The following POLR2B variants were observed in gnomAD, a reference collection of about 807,000 sequenced individuals.
POLR2B encodes RNA polymerase II subunit B.
In POLR2B, 57 loss-of-function variants were observed where a neutral mutation model predicts 144.6. The observed-to-expected ratio is 0.39, with a 90% CI of 0.32 to 0.49. POLR2B has a LOEUF of 0.49. POLR2B is among the 20% of genes least tolerant of loss of function. The probability of loss-of-function intolerance (pLI) is 0.83; values close to 1 mark genes in which losing one functional copy is unlikely to be tolerated. For synonymous variants in POLR2B, 442 were observed against 469.8 expected (o/e 0.94, Z 0.77); for missense variants, 595 against 1,467.4 (o/e 0.41, Z 9.71).
rs1468573771 is a variant in POLR2B at position 57,017,917 on chromosome 4, C to G, written c.2323+189C>G. ...AGTGTTTTGGTGGAGGTACAAAGTC[C>G]TTTGGAAGCACAGACTGATGGAAGC... On this transcript the variant is annotated intron_variant, in intron 16 of 24. Coordinates refer to ENST00000314595, the MANE Select transcript of POLR2B (RefSeq NM_000938.3). This position sits in a 1 kb window ranked among gnomAD's most constrained non-coding sequence, Gnocchi z 4.8. 1.3e-5 allele frequency among the ~76,000 whole-genome samples: 2 copies of G among 152,122 alleles called. No individual in the cohort carries two copies. The highest frequency in any genetic ancestry group is 2.9e-5 in the Non-Finnish European group (2 of 68,020).
intron 2 of POLR2B, among the ~76,000 whole-genome samples, chr4:56,990,104 C>A (rs137908975): frequency 2.0e-5 from 3 of 152,122 alleles, no homozygotes; most frequent in Non-Finnish European, 2.9e-5. Flanking sequence ...ATATCACTAC[C>A]CTCCGTCCTA....
chr4:56,992,197 T>G (rs1722528673), intron 3 of POLR2B, among the ~76,000 whole-genome samples: 2 of 152,012 alleles, frequency 1.3e-5, no homozygotes, highest in South Asian at 2.1e-4. Flanking sequence ...GTGCGATGGC[T>G]CATGCCTATA....
chr4:57,026,057 C>G lies in POLR2B; in HGVS notation c.3239+520C>G, dbSNP rs540583271. Among the ~76,000 whole-genome samples the G allele has an allele frequency of 5.3e-5, 8 of 152,028 alleles. 1 individual carries two copies. In the East Asian group the frequency reaches 1.6e-3, roughly 29 times the overall value. On this transcript the variant is annotated intron_variant, in intron 23 of 24. Coordinates refer to ENST00000314595, the MANE Select transcript of POLR2B (RefSeq NM_000938.3). Reference sequence around the variant, plus strand: ...TCCAAGACCAGCCTGGTCAACATGGCAAAACACCGTCTCTACTAAAAATAC... The same window carrying G: ...TCCAAGACCAGCCTGGTCAACATGGGAAAACACCGTCTCTACTAAAAATAC...
chr4:56,984,168 A>G (rs1413982042), intron 1 of POLR2B, among the ~76,000 whole-genome samples: 1 of 152,086 alleles, frequency 6.6e-6, no homozygotes, highest in Non-Finnish European at 1.5e-5. Context: ...CCCAGCCTGA[A>G]AAAAAATCTG....
intron 2 of POLR2B, among the ~76,000 whole-genome samples, chr4:56,989,205 A>G (rs190475384): frequency 2.0e-5 from 3 of 152,342 alleles, no homozygotes; most frequent in East Asian, 1.9e-4. Flanking sequence ...TAAAGTAGCT[A>G]TAGTTCAGCT....
chr4:57,000,731 C>T (rs901787141), intron 7 of POLR2B, among the ~76,000 whole-genome samples: 2 of 152,068 alleles, frequency 1.3e-5, no homozygotes, highest in Admixed American at 6.6e-5. Context: ...AGTCTCACTC[C>T]GTTGCCTAGG....
intron 6 of POLR2B, among the ~76,000 whole-genome samples, chr4:56,999,318 T>C (rs1257553511): frequency 6.6e-6 from 1 of 151,922 alleles, no homozygotes; most frequent in African/African-American, 2.4e-5. Context: ...TCATATTTTT[T>C]TGCAGCCAAA....
chr4:57,027,030 A>G (rs1347212202), intron 23 of POLR2B, among the ~76,000 whole-genome samples: 1 of 151,666 alleles, frequency 6.6e-6, no homozygotes, highest in Non-Finnish European at 1.5e-5. Context: ...TTTTTTTGTG[A>G]GACAGTCTCA....
At chr4:57,015,420 G>C (rs1003119074) in intron 13 of POLR2B, 82 bp from the exon 14 acceptor site, 11 of 688,514 alleles carry the variant, frequency 1.6e-5, no homozygotes, top group African/African-American at 1.5e-4. Flanking sequence ...AATTTAGTAG[G>C]ATTTGTATTG....
intron 1 of POLR2B, among the ~76,000 whole-genome samples, chr4:56,982,193 A>C (rs1231162656): frequency 6.6e-6 from 1 of 151,474 alleles, no homozygotes; most frequent in African/African-American, 2.4e-5. Flanking sequence ...AACCTTGTCA[A>C]CTGCCCAAAC....
intron 6 of POLR2B, 49 bp from the exon 7 acceptor site, chr4:56,999,568 G>A: frequency 8.1e-7 from 1 of 1,235,530 alleles, no homozygotes; most frequent in Non-Finnish European, 1.2e-6. Flanking sequence ...TTTTTATATT[G>A]CTGTGAGCTT....
In POLR2B at chr4:57,005,582, C is replaced by CTTTTTTTTT; in HGVS notation, c.1098-13_1098-5dup. ...AAGTGTTTTCCCTCTTTCTTTCTTT[C>CTTTTTTTTT]TTTTTTTTTTTTTAAAGATACATGG... is the stretch of plus-strand genomic sequence containing the variant. On this transcript the variant is annotated splice_polypyrimidine_tract_variant and intron_variant, in intron 8 of 24. Coordinates refer to ENST00000314595, the MANE Select transcript of POLR2B (RefSeq NM_000938.3). 7.5e-7 allele frequency: 1 copy of CTTTTTTTTT among 1,335,096 alleles called. No homozygotes were observed. The highest frequency in any genetic ancestry group is 1.4e-5 in the South Asian group (1 of 71,434). The allele number at this position is 1,335,096 out of a possible 1,614,324, so 82.7% of individuals were successfully genotyped here.
At chr4:57,009,201 A>G (rs1436338453) in intron 10 of POLR2B, among the ~76,000 whole-genome samples, 3 of 152,216 alleles carry the variant, frequency 2.0e-5, no homozygotes, top group Non-Finnish European at 4.4e-5. Flanking sequence ...TGAGTACAGA[A>G]AAGAGAATAG....
chr4:56,998,509 C>T (rs1050482342), intron 6 of POLR2B, among the ~76,000 whole-genome samples: 26 of 151,508 alleles, frequency 1.7e-4, no homozygotes, highest in African/African-American at 5.6e-4. Flanking sequence ...TGTGAGCCAC[C>T]GTGCCCAGCC....
chr4:56,988,613 C>T (rs931812397), intron 2 of POLR2B, among the ~76,000 whole-genome samples: 2 of 152,092 alleles, frequency 1.3e-5, no homozygotes, highest in Non-Finnish European at 2.9e-5. Flanking sequence ...TCTGTATTCC[C>T]TGCCATAATA....
chr4:57,003,068 T>G (rs1722903155), intron 7 of POLR2B, among the ~76,000 whole-genome samples: 1 of 152,236 alleles, frequency 6.6e-6, no homozygotes, highest in Admixed American at 6.5e-5. Flanking sequence ...GGAAATCCAT[T>G]ACATGCCTTC....
intron 3 of POLR2B, among the ~76,000 whole-genome samples, chr4:56,991,622 C>T (rs1317005126): frequency 6.6e-6 from 1 of 152,160 alleles, no homozygotes; most frequent in Non-Finnish European, 1.5e-5. Context: ...AGTTTCTCTT[C>T]TGTGTAGCTT....
intron 14 of POLR2B, 115 bp from the exon 15 acceptor site, chr4:57,016,928 A>T (rs1443510448): frequency 7.3e-6 from 2 of 273,584 alleles, no homozygotes; most frequent in Non-Finnish European, 1.4e-5. Context: ...ATATATGTAT[A>T]TTTAATATAT....
At chr4:57,005,554 A>G (rs1578574678) in intron 8 of POLR2B, 46 bp from the exon 9 acceptor site, 1 of 1,549,168 alleles carries the variant, frequency 6.5e-7, no homozygotes. Flanking sequence ...AAAGTCCAAA[A>G]CTAAGTGTTT....
Sources: gnomAD v4.1 joint callset for allele counts (sites outside exome capture counted in the v4.1 genomes callset) on GRCh38, gnomAD v4.1.1 for gene constraint, Gnocchi (gnomAD v3.1) non-coding constraint, MANE v1.5 for transcripts, NCBI Gene and HGNC (gene_info 2026-07-23, HGNC 2026-07-21) for gene names.